Variants in MGMT observed in about 807,000 individuals in gnomAD.
MGMT encodes the protein methylated-DNA--protein-cysteine methyltransferase.
Under a neutral mutation model 15.9 loss-of-function variants are expected in MGMT, and 14 were observed. The ratio of observed to expected loss-of-function variants is 0.88; its 90% CI spans 0.58 to 1.37. The LOEUF (loss-of-function observed/expected upper bound fraction) is 1.37, where lower values mean the gene tolerates loss of function less well. Among genes scored for constraint, MGMT ranks in the 40% most tolerant of loss-of-function variants. MGMT has a pLI of 0.00. For synonymous variants in MGMT, 130 were observed against 118.2 expected, an observed-to-expected ratio of 1.10 and a Z score of -0.65; for missense variants, 282 against 268.1, an observed-to-expected ratio of 1.05 and a Z score of -0.36.
At chr10:129,631,369 C>G (rs1438968490) in intron 2 of MGMT, among the ~76,000 whole-genome samples, 1 of 152,092 alleles carries the variant, frequency 6.6e-6, no homozygotes, top group African/African-American at 2.4e-5. Flanking sequence ...AATGATGAGA[C>G]AGAAGAATGA....
intron 1 of MGMT, among the ~76,000 whole-genome samples, chr10:129,510,900 C>A (rs573423613): frequency 1.4e-5 from 2 of 147,400 alleles, no homozygotes; most frequent in South Asian, 4.4e-4. Flanking sequence ...ATGGGAACCC[C>A]GTATACCAGA....
intron 2 of MGMT, among the ~76,000 whole-genome samples, chr10:129,611,838 T>C (rs1467333895): frequency 1.3e-5 from 2 of 152,178 alleles, no homozygotes; most frequent in Non-Finnish European, 2.9e-5. Context: ...TGTGATGCAC[T>C]GGTCCTGAAA....
intron 2 of MGMT, among the ~76,000 whole-genome samples, chr10:129,671,394 G>A (rs920905277): frequency 6.6e-5 from 10 of 151,866 alleles, no homozygotes; most frequent in African/African-American, 2.2e-4. Context: ...TAGACCAGAG[G>A]TTGGTAAACT....
chr10:129,505,177 A>C (rs1845613404), intron 1 of MGMT, among the ~76,000 whole-genome samples: 1 of 152,164 alleles, frequency 6.6e-6, no homozygotes, highest in South Asian at 2.1e-4. Flanking sequence ...AGAAATAATA[A>C]ATGGAATTGA....
At chr10:129,568,395 C>T (rs1401838329) in intron 2 of MGMT, among the ~76,000 whole-genome samples, 1 of 152,156 alleles carries the variant, frequency 6.6e-6, no homozygotes, top group East Asian at 1.9e-4. Flanking sequence ...CTCAGGAAGC[C>T]CTGCACGGGG....
chr10:129,673,740 G>A (rs747548156), intron 2 of MGMT, among the ~76,000 whole-genome samples: 1 of 152,120 alleles, frequency 6.6e-6, no homozygotes, highest in Non-Finnish European at 1.5e-5. Context: ...AATTTAATGG[G>A]ATGTATGTAT....
intron 2 of MGMT, among the ~76,000 whole-genome samples, chr10:129,680,765 C>A (rs568409368): frequency 1.3e-5 from 2 of 152,216 alleles, no homozygotes; most frequent in African/African-American, 4.8e-5. Flanking sequence ...CCCGTGGGGA[C>A]GTGGCTGCTG....
At chr10:129,516,977 G>A (rs1845745045) in intron 1 of MGMT, among the ~76,000 whole-genome samples, 1 of 152,238 alleles carries the variant, frequency 6.6e-6, no homozygotes, top group South Asian at 2.1e-4. Flanking sequence ...AATGTCGACA[G>A]TTCTACCCCG....
intron 2 of MGMT, among the ~76,000 whole-genome samples, chr10:129,682,115 A>C (rs932398338): frequency 1.3e-5 from 2 of 152,138 alleles, no homozygotes; most frequent in East Asian, 3.9e-4. Context: ...ATCTGTTTCC[A>C]CAGGAACCGG....
chr10:129,572,838 C>G (rs1348157109), intron 2 of MGMT, among the ~76,000 whole-genome samples: 1 of 152,108 alleles, frequency 6.6e-6, no homozygotes, highest in African/African-American at 2.4e-5. Flanking sequence ...TATGTGTACC[C>G]AAGTGATGCT....
chr10:129,730,811 A>T (rs904519459), intron 3 of MGMT, among the ~76,000 whole-genome samples: 1 of 152,194 alleles, frequency 6.6e-6, no homozygotes, highest in African/African-American at 2.4e-5. Flanking sequence ...AATGACAATT[A>T]TTTGAATGGT....
chr10:129,594,198 G>A (rs754040663), intron 2 of MGMT, among the ~76,000 whole-genome samples: 4 of 152,158 alleles, frequency 2.6e-5, no homozygotes, highest in South Asian at 2.1e-4. Context: ...GGAAGAGGGC[G>A]TTGCAATGAC....
intron 3 of MGMT, among the ~76,000 whole-genome samples, chr10:129,711,361 C>T (rs1411959368): frequency 6.6e-6 from 1 of 152,174 alleles, no homozygotes; most frequent in Non-Finnish European, 1.5e-5. Context: ...AGGTTAGTAG[C>T]TAGGTAGCTG....
chr10:129,676,324 G>A (rs751262588), intron 2 of MGMT, among the ~76,000 whole-genome samples: 27 of 152,130 alleles, frequency 1.8e-4, no homozygotes, highest in Admixed American at 1.4e-3. Context: ...CGGTGTGGGC[G>A]GCACCCACCA....
At chr10:129,522,749 T>C (rs1845827165) in intron 1 of MGMT, among the ~76,000 whole-genome samples, 1 of 152,202 alleles carries the variant, frequency 6.6e-6, no homozygotes, top group Non-Finnish European at 1.5e-5. Context: ...CCCATGTCGA[T>C]GTCTGGACGA....
At chr10:129,627,914 T>C (rs1006919135) in intron 2 of MGMT, among the ~76,000 whole-genome samples, 2 of 152,226 alleles carry the variant, frequency 1.3e-5, no homozygotes, top group Non-Finnish European at 2.9e-5. Flanking sequence ...TGTGTTGATA[T>C]TGTCTTCCCT....
chr10:129,691,489 C>A (rs112095242), intron 2 of MGMT, among the ~76,000 whole-genome samples: 7,765 of 152,296 alleles, frequency 0.051, 222 homozygotes, highest in African/African-American at 0.061. Context: ...GGTGTTAGCT[C>A]GGATAACTGG....
intron 2 of MGMT, among the ~76,000 whole-genome samples, chr10:129,633,262 A>G (rs550462225): frequency 6.6e-6 from 1 of 152,318 alleles, no homozygotes; most frequent in Non-Finnish European, 1.5e-5. Context: ...ACCAACCTAG[A>G]CGTCCAACAC....
intron 1 of MGMT, among the ~76,000 whole-genome samples, chr10:129,510,248 T>G (rs1487821153): frequency 6.6e-6 from 1 of 152,108 alleles, no homozygotes; most frequent in Non-Finnish European, 1.5e-5. Context: ...AACATAGTTG[T>G]TAGAAATATG....
Sources: allele counts gnomAD v4.1 joint callset (sites outside exome capture counted in the v4.1 genomes callset), GRCh38; gene constraint gnomAD v4.1.1; transcripts MANE v1.5; gene names NCBI Gene and HGNC (gene_info 2026-07-23, HGNC 2026-07-21).